Variants in COL25A1 observed in about 807,000 individuals in gnomAD.
COL25A1 encodes the protein collagen alpha-1(XXV) chain.
A neutral mutation model predicts 128.4 loss-of-function variants in COL25A1; 103 were observed. The ratio of observed to expected loss-of-function variants is 0.80; its 90% CI spans 0.68 to 0.94. The LOEUF is 0.94. COL25A1 is among the 40% of genes least tolerant of loss of function. COL25A1 has a pLI of 0.00. For missense variants in COL25A1, 745 were observed against 840.0 expected (o/e 0.89, Z 1.40); for synonymous variants, 279 against 277.2 (o/e 1.01, Z -0.06).
chr4:109,151,938 T>C (rs556756614), intron 3 of COL25A1, among the ~76,000 whole-genome samples: 1 of 152,316 alleles, frequency 6.6e-6, no homozygotes, highest in East Asian at 1.9e-4. Context: ...AGCTGATTGC[T>C]AAACTTCTAC....
intron 31 of COL25A1, 57 bp from the exon 32 acceptor site, chr4:108,832,490 T>C (rs558706701): frequency 1.6e-5 from 19 of 1,206,672 alleles, no homozygotes; most frequent in Non-Finnish European, 2.3e-5. Context: ...GCAGTTATAA[T>C]TTATCCTGGA....
rs187528277 is a variant in COL25A1 at position 109,035,821 on chromosome 4, A to G, written c.420+12347T>C. Among the ~76,000 whole-genome samples the G allele has an allele frequency of 3.3e-5, 5 of 152,172 alleles. No homozygotes were observed. The East Asian group carries it at 9.6e-4, about 29-fold the overall frequency. On this transcript the variant is annotated intron_variant, in intron 5 of 37. Transcript: ENST00000399132. Reference sequence around the variant, plus strand: ...TCATTTTGTTTAAAATGTTCCAACAATCTAAAATTGCCACCAGTTTGTTTA... The same window carrying G: ...TCATTTTGTTTAAAATGTTCCAACAGTCTAAAATTGCCACCAGTTTGTTTA...
intron 3 of COL25A1, among the ~76,000 whole-genome samples, chr4:109,152,313 T>A (rs1771581796): frequency 6.6e-6 from 1 of 152,188 alleles, no homozygotes; most frequent in Non-Finnish European, 1.5e-5. Flanking sequence ...CTGATGGGTT[T>A]ACATTACACA....
At chr4:109,059,666 A>G (rs572963805) in intron 3 of COL25A1, among the ~76,000 whole-genome samples, 1 of 152,290 alleles carries the variant, frequency 6.6e-6, no homozygotes, top group Admixed American at 6.5e-5. Flanking sequence ...AGGGGATGTG[A>G]TTAACACATA....
At chr4:108,995,986 A>C (rs1258497152) in intron 6 of COL25A1, among the ~76,000 whole-genome samples, 1 of 152,216 alleles carries the variant, frequency 6.6e-6, no homozygotes, top group African/African-American at 2.4e-5. Flanking sequence ...TATGGAAAGG[A>C]ACAACCGGTA....
chr4:108,825,951 CA>C (rs1732326023), intron 33 of COL25A1, among the ~76,000 whole-genome samples: 1 of 152,092 alleles, frequency 6.6e-6, no homozygotes, highest in Non-Finnish European at 1.5e-5. Flanking sequence ...CCTATTGTGT[CA>C]TATTATGGAT....
At chr4:108,879,309 T>TA (rs1739825294) in intron 19 of COL25A1, among the ~76,000 whole-genome samples, 1 of 152,182 alleles carries the variant, frequency 6.6e-6, no homozygotes, top group South Asian at 2.1e-4. Context: ...TGAAGCATGA[T>TA]ACTACTGTGA....
intron 5 of COL25A1, among the ~76,000 whole-genome samples, chr4:109,045,014 G>A (rs906859177): frequency 6.6e-5 from 10 of 152,078 alleles, no homozygotes; most frequent in Non-Finnish European, 1.5e-4. Context: ...ACGCCTTTTC[G>A]TCCTTCTCCT....
chr4:109,165,967 C>T (rs1773036951), intron 3 of COL25A1, among the ~76,000 whole-genome samples: 1 of 152,066 alleles, frequency 6.6e-6, no homozygotes, highest in Non-Finnish European at 1.5e-5. Context: ...TTAAAAATTC[C>T]AATTTTTTAA....
rs1029908778 is a variant in COL25A1 at position 108,819,743 on chromosome 4, C to T, written c.1846-414G>A. ...GAAACCCTCCTGTTACGGATCCCTC[C>T]GGCTTGCTCTTCTCCCATCTGATCC... On this transcript the variant is annotated intron_variant, in intron 35 of 37. Transcript: ENST00000399132. 32 of 764,270 alleles carry T rather than the reference C, an allele frequency of 4.2e-5. No homozygotes were observed. In the African/African-American group the frequency reaches 4.3e-4, roughly 10 times the overall value. The allele number at this position is 764,270 out of a possible 1,614,324, so 47.3% of individuals were successfully genotyped here.
In COL25A1 at chr4:109,302,231, C is replaced by T; in HGVS notation, c.-119G>A. 1 of 601,142 alleles carries T rather than the reference C, an allele frequency of 1.7e-6. No individual in the cohort carries two copies. The highest frequency in any genetic ancestry group is 2.7e-6 in the Non-Finnish European group (1 of 367,430). 37.2% of individuals were successfully genotyped at this position (601,142 alleles called of 1,614,324 possible). ...CCATCCCCGCTTTCTTCTCTCCTCC[C>T]AGCTGGAAGTGAAAAGCACCCTCCG... On this transcript the variant is annotated 5_prime_UTR_variant, in exon 1 of 38. Transcript: ENST00000399132.
chr4:109,008,750 C>CGT (rs1756289507), intron 6 of COL25A1, among the ~76,000 whole-genome samples: 1 of 41,864 alleles, frequency 2.4e-5, no homozygotes, highest in South Asian at 7.3e-4. Flanking sequence ...CACATACATG[C>CGT]GCGCGCACAC....
At chr4:108,992,286 G>A (rs1022963566) in intron 6 of COL25A1, among the ~76,000 whole-genome samples, 1 of 152,142 alleles carries the variant, frequency 6.6e-6, no homozygotes, top group African/African-American at 2.4e-5. Flanking sequence ...AATGGTCTTA[G>A]TGTTGAAGGC....
intron 3 of COL25A1, among the ~76,000 whole-genome samples, chr4:109,167,871 A>T (rs1488303930): frequency 6.6e-6 from 1 of 152,170 alleles, no homozygotes; most frequent in African/African-American, 2.4e-5. Flanking sequence ...CTATAATTTC[A>T]GATAGATGAG....
chr4:108,983,607 T>A (rs1198075167), intron 6 of COL25A1, among the ~76,000 whole-genome samples: 2 of 152,134 alleles, frequency 1.3e-5, no homozygotes, highest in Admixed American at 1.3e-4. Flanking sequence ...TCGCAGTGAG[T>A]GTTACAGCTC....
chr4:109,066,554 C>A (rs1046831634), intron 3 of COL25A1, among the ~76,000 whole-genome samples: 1 of 152,186 alleles, frequency 6.6e-6, no homozygotes, highest in African/African-American at 2.4e-5. Flanking sequence ...AAACAGAGAA[C>A]CAATCTAATT....
intron 3 of COL25A1, among the ~76,000 whole-genome samples, chr4:109,061,640 A>G (rs575773872): frequency 2.0e-5 from 3 of 152,336 alleles, no homozygotes; most frequent in African/African-American, 7.2e-5. Flanking sequence ...ATGCTAACAT[A>G]GGTGATCTTC....
intron 10 of COL25A1, among the ~76,000 whole-genome samples, chr4:108,940,192 G>A (rs1306166631): frequency 1.3e-5 from 2 of 152,060 alleles, no homozygotes; most frequent in African/African-American, 2.4e-5. Flanking sequence ...TGCACACTAC[G>A]GCAGTGAGGA....
intron 3 of COL25A1, among the ~76,000 whole-genome samples, chr4:109,099,470 T>C (rs1468604831): frequency 6.6e-6 from 1 of 152,062 alleles, no homozygotes; most frequent in Non-Finnish European, 1.5e-5. Context: ...ATGAAAGTGA[T>C]CCTTTGCCTA....
Sources: allele counts gnomAD v4.1 joint callset (sites outside exome capture counted in the v4.1 genomes callset), GRCh38; gene constraint gnomAD v4.1.1; transcripts MANE v1.5; gene names NCBI Gene and HGNC (gene_info 2026-07-23, HGNC 2026-07-21).